SPTBN5: variants seen among roughly 807,000 people sequenced by gnomAD.
SPTBN5 encodes the protein spectrin beta, non-erythrocytic 5.
Under a neutral mutation model 477.6 loss-of-function variants are expected in SPTBN5, and 513 were observed. The ratio of observed to expected loss-of-function variants is 1.07; its 90% CI spans 1.00 to 1.16. SPTBN5 has a LOEUF of 1.16. Ranked by LOEUF, SPTBN5 falls within the 50% of genes most tolerant of loss-of-function variation. SPTBN5 has a pLI of 0.00. For missense variants in SPTBN5, 5,062 were observed against 4,731.8 expected, an observed-to-expected ratio of 1.07 and a Z score of -2.05; for synonymous variants, 2,169 against 2,011.7, an observed-to-expected ratio of 1.08 and a Z score of -2.09.
In SPTBN5 at chr15:41,858,065, G is replaced by A. The variant is rs1268826015; in HGVS notation, c.8227-355C>T. 2.6e-5 allele frequency among the ~76,000 whole-genome samples: 4 copies of A among 152,210 alleles called. No individual in the cohort carries two copies. The East Asian group carries it at 7.7e-4, about 29-fold the overall frequency. ...TAATCCCAGCACTTTGGGAGGCTGA[G>A]GCAGGTGGATCGCCTGAGCTCAGGA... On this transcript the variant is annotated intron_variant, in intron 49 of 67. Transcript: ENST00000320955.
chr15:41,850,012 G>T (rs978485614), intron 66 of SPTBN5, 53 bp from the exon 67 acceptor site: 1 of 1,413,274 alleles, frequency 7.1e-7, no homozygotes, highest in Non-Finnish European at 9.8e-7. Context: ...ATCTGCAGGC[G>T]CCAGGTCTGG....
chr15:41,848,159 C>CCATCTGTTATTACTGCT lies in SPTBN5; in HGVS notation c.*440_*456dup. ...CTCATACAAATGTGAGGCGCTGAGA[C>CCATCTGTTATTACTGCT]CATCTGTTATTACTGCTGAGAAGGG... On this transcript the variant is annotated 3_prime_UTR_variant, in exon 68 of 68. Transcript: ENST00000320955. The CCATCTGTTATTACTGCT allele has an allele frequency of 1.8e-6, 1 of 544,450 alleles. No homozygotes were observed. Among genetic ancestry groups the CCATCTGTTATTACTGCT allele is most frequent in the Non-Finnish European group, 3.3e-6 (1 of 303,334 alleles). The allele number at this position is 544,450 out of a possible 1,614,324, so 33.7% of individuals were successfully genotyped here. A position where few individuals can be genotyped will look rare whatever the true frequency, so the allele number is the denominator to read the frequency against.
At chr15:41,854,023 A>G in intron 57 of SPTBN5, 27 bp downstream of exon 57, 1 of 1,539,196 alleles carries the variant, frequency 6.5e-7, no homozygotes, top group African/African-American at 1.4e-5. Flanking sequence ...GGGCTCAGAC[A>G]GGCAGGCTGC....
chr15:41,886,431 T>G, intron 6 of SPTBN5, 65 bp from the exon 7 acceptor site: 1 of 1,493,286 alleles, frequency 6.7e-7, no homozygotes, highest in African/African-American at 1.4e-5. Context: ...GGGCACTGAG[T>G]GCCAGCCAGA....
Position 41,849,890 on chromosome 15 carries a change from G to A in SPTBN5, c.10991C>T (p.Ala3664Val), listed in dbSNP as rs769592246. 5 of 1,586,058 alleles carry A rather than the reference G, an allele frequency of 3.2e-6. No individual in the cohort carries two copies. The highest frequency in any genetic ancestry group is 2.3e-5 in the South Asian group (2 of 86,786). ...SSLNECTTKD[A>V]RPGCLLRSDP Reference sequence around the variant, plus strand: ...CCACCTGAGTAGACATCCAGGCCGGGCATCCTTGGTCGTGCACTCATTCAG... The same window carrying A: ...CCACCTGAGTAGACATCCAGGCCGGACATCCTTGGTCGTGCACTCATTCAG... The change falls in exon 67 of 68, where the codon GCC becomes GTC. Residue 3664 changes from alanine to valine, a missense_variant. Physicochemically the swap from Ala to Val is moderately conservative, Grantham distance 64. Transcript: ENST00000320955.
At position 41,848,564 on chromosome 15, in the gene SPTBN5, A is replaced by AGAT. The variant is rs1165380256; in HGVS notation, c.*49_*51dup. The AGAT allele has an allele frequency of 5.0e-6, 8 of 1,610,622 alleles. No homozygotes were observed. Among genetic ancestry groups the AGAT allele is most frequent in the Non-Finnish European group, 6.8e-6 (8 of 1,177,018 alleles). ...TAGCTGAGTCTTATTCTGGTCCCTTAGATGTGTCCTCGCTTGTGCCCCTGA... is the reference window on the plus strand; with the variant it reads ...TAGCTGAGTCTTATTCTGGTCCCTTAGATGATGTGTCCTCGCTTGTGCCCCTGA... On this transcript the variant is annotated 3_prime_UTR_variant, in exon 68 of 68. Transcript: ENST00000320955.
intron 7 of SPTBN5, 99 bp downstream of exon 7, chr15:41,885,636 C>G: frequency 1.4e-6 from 2 of 1,407,132 alleles, no homozygotes; most frequent in South Asian, 2.8e-5. Flanking sequence ...AATCATCCCT[C>G]TCCTCTCTGG....
At chr15:41,867,503 ACT>A in intron 35 of SPTBN5, 33 bp downstream of exon 35, 1 of 1,598,220 alleles carries the variant, frequency 6.3e-7, no homozygotes, top group Non-Finnish European at 8.6e-7. Flanking sequence ...CAACCACCAC[ACT>A]CTGACCACGC....
At position 41,878,548 on chromosome 15, in the gene SPTBN5, C is replaced by T; in HGVS notation, c.3264G>A (p.Gln1088=). The change falls in exon 17 of 68, where the codon CAG becomes CAA. Residue 1088 remains glutamine (Q), a synonymous_variant. Coordinates refer to ENST00000320955, the MANE Select transcript of SPTBN5 (RefSeq NM_016642.4). ...ETLQGLLKQV[Q]EQVAQRARRQ... is the part of the protein sequence containing the mutation. The stretch of plus-strand genomic sequence containing the variant: ...GCCGGGCCCGTTGGGCCACTTGTTC[C>T]TGTACTTGCTTCAGCAGCCCCTGCA... 1 of 1,612,946 alleles carries T rather than the reference C, an allele frequency of 6.2e-7. No homozygotes were observed. The highest frequency in any genetic ancestry group is 8.5e-7 in the Non-Finnish European group (1 of 1,179,726).
rs896199021 is a variant in SPTBN5, at chr15:41,876,818, G to T, written c.3842C>A (p.Ala1281Asp). ...GEKLVQSQHP[A>D]AHTVREQLQS... ...CTGAGGCCAGGCTCACGTGTGTGCA[G>T]CTGGGTGCTGGCTCTGAACCAGCTT... The change falls in exon 19 of 68, where the codon GCT (alanine) becomes GAT (aspartate). Residue 1281 changes from alanine (A) to aspartate (D), a missense_variant. Physicochemically the swap from Ala to Asp is moderately radical, Grantham distance 126. Transcript: ENST00000320955. 3.1e-6 allele frequency: 5 copies of T among 1,597,198 alleles called. No individual in the cohort carries two copies. In the South Asian group the frequency reaches 4.7e-5, roughly 15 times the overall value.
At chr15:41,856,126 A>C (rs1184632892) in intron 53 of SPTBN5, among the ~76,000 whole-genome samples, 1 of 152,258 alleles carries the variant, frequency 6.6e-6, no homozygotes, top group African/African-American at 2.4e-5. Context: ...TTGAGGTATA[A>C]TCGTTCAAGT....
At chr15:41,893,688 G>A in intron 1 of SPTBN5, 142 bp from the exon 2 acceptor site, 1 of 1,068,306 alleles carries the variant, frequency 9.4e-7, no homozygotes, top group Non-Finnish European at 1.3e-6. Flanking sequence ...CAGTGCTTCT[G>A]GTCCCCTGTG....
Position 41,885,771 on chromosome 15 carries a change from T to C in SPTBN5, c.1484A>G (p.Gln495Arg). 1 of 1,557,514 alleles carries C rather than the reference T, an allele frequency of 6.4e-7. No individual in the cohort carries two copies. Among genetic ancestry groups the C allele is most frequent in the Non-Finnish European group, 8.7e-7 (1 of 1,150,668 alleles). The change falls in exon 7 of 68, where the codon CAG (glutamine) becomes CGG (arginine). Residue 495 changes from glutamine (Q) to arginine (R), a missense_variant. Physicochemically the swap from Gln to Arg is conservative, Grantham distance 43. Coordinates refer to ENST00000320955, the MANE Select transcript of SPTBN5 (RefSeq NM_016642.4). ...ATCTGCCCAGCTGTGGTACTGCTCC[T>C]GCCGGAGGATGTCTGCGATCTCAGC... ...ALAEIADILR[Q>R]EQYHSWADVA...
At position 41,880,268 on chromosome 15, in the gene SPTBN5, G is replaced by T; in HGVS notation, c.2703C>A (p.Phe901Leu). 1 of 1,607,726 alleles carries T rather than the reference G, an allele frequency of 6.2e-7. No homozygotes were observed. The highest frequency in any genetic ancestry group is 8.5e-7 in the Non-Finnish European group (1 of 1,177,686). ...RLEEAMALFGFCSSCGELQLW... is the reference protein window; with the variant it reads ...RLEEAMALFGLCSSCGELQLW... Reference sequence around the variant, plus strand: ...ACTGGAGCTCCCCACAGGAACTGCAGAAACCGAACAGGGCCATGGCCTCCT... The same window carrying T: ...ACTGGAGCTCCCCACAGGAACTGCATAAACCGAACAGGGCCATGGCCTCCT... The change falls in exon 14 of 68, where the codon TTC (phenylalanine) becomes TTA (leucine). Residue 901 changes from phenylalanine (F) to leucine (L), a missense_variant. Phe to Leu is a conservative substitution (Grantham distance 22). Transcript: ENST00000320955.
At chr15:41,852,062 T>C in intron 62 of SPTBN5, 120 bp downstream of exon 62, 2 of 1,283,212 alleles carry the variant, frequency 1.6e-6, no homozygotes, top group Non-Finnish European at 1.1e-6. Context: ...CTTCAGCTCC[T>C]GTGCCCGGGC....
chr15:41,886,321 C>T lies in SPTBN5; in HGVS notation c.934G>A (p.Glu312Lys), dbSNP rs201989455. The T allele has an allele frequency of 1.4e-4, 225 of 1,612,018 alleles. 3 individuals carry two copies. In the Admixed American group the frequency reaches 3.5e-3, roughly 25 times the overall value. Reference sequence around the variant, plus strand: ...CGTAGAAGGTCAGCCACCAGCTGCTCGTACTGGGTCTGCAGCAGCTCTGTC... The same window carrying T: ...CGTAGAAGGTCAGCCACCAGCTGCTTGTACTGGGTCTGCAGCAGCTCTGTC... ...QETELLQTQY[E>K]QLVADLLRWI... is the part of the protein sequence containing the mutation. Residue 312 changes from glutamate to lysine, a missense_variant, in exon 7 of 68, where the codon GAG becomes AAG. Transcript: ENST00000320955.
intron 48 of SPTBN5, 51 bp from the exon 49 acceptor site, chr15:41,858,799 T>C: frequency 6.3e-7 from 1 of 1,578,868 alleles, no homozygotes; most frequent in Non-Finnish European, 8.6e-7. Context: ...CCCCTTCCCC[T>C]GACCTCTGGG....
chr15:41,885,793 C>T lies in SPTBN5; in HGVS notation c.1462G>A (p.Glu488Lys), dbSNP rs1342806769. ...PQEGRFQALAEIADILRQEQY... is the reference protein window; with the variant it reads ...PQEGRFQALAKIADILRQEQY... ...TCCTGCCGGAGGATGTCTGCGATCTCAGCCAGGGCCTGGAAGCGCCCCTCC... is the reference window on the plus strand; with the variant it reads ...TCCTGCCGGAGGATGTCTGCGATCTTAGCCAGGGCCTGGAAGCGCCCCTCC... The change falls in exon 7 of 68, where the codon GAG (glutamate) becomes AAG (lysine). Residue 488 changes from glutamate (E) to lysine (K), a missense_variant. By Grantham distance (56) the Glu-to-Lys change is moderately conservative (BLOSUM62 1). Transcript: ENST00000320955. 1 of 1,558,366 alleles carries T rather than the reference C, an allele frequency of 6.4e-7. No homozygotes were observed. The highest frequency in any genetic ancestry group is 1.4e-5 in the African/African-American group (1 of 73,592).
At chr15:41,851,585 G>GGGGGA (rs1483637342) in intron 63 of SPTBN5, among the ~76,000 whole-genome samples, 194 bp downstream of exon 63, 14 of 151,340 alleles carry the variant, frequency 9.3e-5, no homozygotes, top group African/African-American at 3.2e-4. Context: ...ACCTCCTGGT[G>GGGGGA]GGGGTGGGTA....
Sources: allele counts gnomAD v4.1 joint callset (sites outside exome capture counted in the v4.1 genomes callset), GRCh38; gene constraint gnomAD v4.1.1; transcripts MANE v1.5; gene names NCBI Gene and HGNC (gene_info 2026-07-23, HGNC 2026-07-21).